Variants in GLRA3 observed in about 807,000 individuals in gnomAD.
GLRA3 encodes the protein glycine receptor subunit alpha-3.
GLRA3 carries 44 observed loss-of-function variants against 60.4 expected under a neutral mutation model. That is an observed-to-expected ratio of 0.73 (90% CI 0.57 to 0.94). The LOEUF is 0.94. Among genes scored for constraint, GLRA3 ranks in the 40% least tolerant of loss-of-function variants. The probability of loss-of-function intolerance (pLI) is 0.00; values close to 1 mark genes in which losing one functional copy is unlikely to be tolerated. For missense variants in GLRA3, 508 were observed against 564.6 expected (o/e 0.90, Z 1.02); for synonymous variants, 223 against 192.9 (o/e 1.16, Z -1.29).
chr4:174,694,602 T>C (rs978139328), intron 5 of GLRA3, among the ~76,000 whole-genome samples: 4 of 152,130 alleles, frequency 2.6e-5, no homozygotes, highest in Admixed American at 6.6e-5. Flanking sequence ...AGAAGGACAT[T>C]GATAGCAGTA....
rs11338097 is a variant in GLRA3, at chr4:174,826,874, C to CT, written c.71+1866dup. On this transcript the variant is annotated intron_variant, in intron 1 of 9. Transcript: ENST00000274093. Reference sequence around the variant, plus strand: ...AAATATTTCCAGTAGAGGGAGCTTCCTTTTTTTTTTTTTTTCTATAGGAAA... The same window carrying CT: ...AAATATTTCCAGTAGAGGGAGCTTCCTTTTTTTTTTTTTTTTCTATAGGAAA... Among the ~76,000 whole-genome samples the CT allele has an allele frequency of 2.5e-3, 331 of 130,372 alleles. 2 individuals carry two copies. The highest frequency in any genetic ancestry group is 2.1e-3 in the Non-Finnish European group (122 of 59,052). The allele number at this position is 130,372 out of a possible 152,430, so 85.5% of individuals were successfully genotyped here. A position where few individuals can be genotyped will look rare whatever the true frequency, so the allele number is the denominator to read the frequency against.
intron 1 of GLRA3, among the ~76,000 whole-genome samples, chr4:174,827,494 T>A (rs1741024612): frequency 6.6e-6 from 1 of 151,742 alleles, no homozygotes; most frequent in Non-Finnish European, 1.5e-5. Flanking sequence ...CTTTACATAA[T>A]AATTTCAGAA....
intron 1 of GLRA3, among the ~76,000 whole-genome samples, chr4:174,803,942 C>T (rs985359074): frequency 6.6e-6 from 1 of 152,140 alleles, no homozygotes; most frequent in African/African-American, 2.4e-5. Flanking sequence ...TTGTAGGGGC[C>T]TTGACTGACA....
chr4:174,652,063 G>T (rs1733040108), intron 9 of GLRA3, among the ~76,000 whole-genome samples: 1 of 151,884 alleles, frequency 6.6e-6, no homozygotes, highest in African/African-American at 2.4e-5. Context: ...CATGGATGAA[G>T]CTTTTCTATC....
At chr4:174,741,805 G>C (rs189995618) in intron 3 of GLRA3, among the ~76,000 whole-genome samples, 3 of 152,002 alleles carry the variant, frequency 2.0e-5, no homozygotes, top group Admixed American at 2.0e-4. Context: ...TTTTTCTTCT[G>C]CATAGTTGAC....
chr4:174,675,563 G>A (rs1406026646), intron 7 of GLRA3, among the ~76,000 whole-genome samples: 2 of 151,960 alleles, frequency 1.3e-5, no homozygotes, highest in South Asian at 2.1e-4. Flanking sequence ...GTAAACTGAC[G>A]ATTTCCTTTA....
Position 174,733,299 on chromosome 4 carries a change from C to G in GLRA3, c.268-4601G>C, listed in dbSNP as rs1736629167. Among the ~76,000 whole-genome samples, 11 of 152,280 alleles carry G rather than the reference C, an allele frequency of 7.2e-5. No individual in the cohort carries two copies. The South Asian group carries it at 2.1e-3, about 29-fold the overall frequency. Reference sequence around the variant, plus strand: ...TAGTCTGGCAAAACACACTGGACCTCTGACCTCAAGAAGTGTAAGGTAATA... The same window carrying G: ...TAGTCTGGCAAAACACACTGGACCTGTGACCTCAAGAAGTGTAAGGTAATA... On this transcript the variant is annotated intron_variant, in intron 3 of 9. Coordinates refer to ENST00000274093, the MANE Select transcript of GLRA3 (RefSeq NM_006529.4).
chr4:174,699,491 A>G (rs1735211327), intron 5 of GLRA3, among the ~76,000 whole-genome samples: 1 of 152,196 alleles, frequency 6.6e-6, no homozygotes, highest in Non-Finnish European at 1.5e-5. Flanking sequence ...ATTCTGTTGC[A>G]CCTTAAAAAT....
intron 1 of GLRA3, among the ~76,000 whole-genome samples, chr4:174,820,709 C>T (rs1434079350): frequency 6.6e-6 from 1 of 152,146 alleles, no homozygotes; most frequent in Non-Finnish European, 1.5e-5. Context: ...TTCACTGAGT[C>T]TCAAATAACT....
At chr4:174,671,156 A>G (rs192116552) in intron 7 of GLRA3, among the ~76,000 whole-genome samples, 73 of 152,296 alleles carry the variant, frequency 4.8e-4, no homozygotes, top group Middle Eastern at 3.4e-3. Context: ...TAATAAACTT[A>G]AAATGAACTC....
At chr4:174,784,415 T>C (rs550075399) in intron 2 of GLRA3, among the ~76,000 whole-genome samples, 4 of 145,836 alleles carry the variant, frequency 2.7e-5, no homozygotes, top group African/African-American at 1.0e-4. Flanking sequence ...CATGTATACA[T>C]ATGTAACTAA....
rs1053914918 is a variant in GLRA3 at position 174,756,938 on chromosome 4, G to T, written c.267+10025C>A. On this transcript the variant is annotated intron_variant, in intron 3 of 9. Coordinates refer to ENST00000274093, the MANE Select transcript of GLRA3 (RefSeq NM_006529.4). ...CGGGATTACAGGCGTGAGCCCCCGC[G>T]CCCGGCCAAATGCCATTCTTAATTG... 3.3e-5 allele frequency among the ~76,000 whole-genome samples: 5 copies of T among 152,126 alleles called. No homozygotes were observed. In the South Asian group the frequency reaches 1.0e-3, roughly 31 times the overall value.
intron 1 of GLRA3, among the ~76,000 whole-genome samples, chr4:174,810,080 C>T (rs1195280137): frequency 6.6e-6 from 1 of 152,044 alleles, no homozygotes; most frequent in Non-Finnish European, 1.5e-5. Flanking sequence ...ACTCTGGATT[C>T]TGCAATAAAT....
At position 174,747,230 on chromosome 4, in the gene GLRA3, G is replaced by A. The variant is rs76890097; in HGVS notation, c.268-18532C>T. 9.3e-3 allele frequency among the ~76,000 whole-genome samples: 1,414 copies of A among 152,230 alleles called. 21 individuals carry two copies. Among genetic ancestry groups the A allele is most frequent in the African/African-American group, 0.032 (1,338 of 41,540 alleles). ...AGAGTTAGACAACGAGGACATAAGGGCAGTGGTGGAAAGAGTAGTCGATGA... is the reference window on the plus strand; with the variant it reads ...AGAGTTAGACAACGAGGACATAAGGACAGTGGTGGAAAGAGTAGTCGATGA... On this transcript the variant is annotated intron_variant, in intron 3 of 9. Coordinates refer to ENST00000274093, the MANE Select transcript of GLRA3 (RefSeq NM_006529.4).
At chr4:174,692,349 C>T (rs1463821751) in intron 5 of GLRA3, among the ~76,000 whole-genome samples, 6 of 149,168 alleles carry the variant, frequency 4.0e-5, no homozygotes, top group South Asian at 2.2e-4. Flanking sequence ...CCAGCCGCCA[C>T]GTCCGGGAGA....
chr4:174,661,409 C>T, intron 7 of GLRA3, among the ~76,000 whole-genome samples: 1 of 152,204 alleles, frequency 6.6e-6, no homozygotes, highest in South Asian at 2.1e-4. Flanking sequence ...GTGTATGTGA[C>T]TAACATCTCA....
At chr4:174,810,280 TCAA>T (rs1431622107) in intron 1 of GLRA3, among the ~76,000 whole-genome samples, 1 of 152,078 alleles carries the variant, frequency 6.6e-6, no homozygotes, top group Non-Finnish European at 1.5e-5. Flanking sequence ...AGAAACCTCC[TCAA>T]CAGAATATTC....
intron 7 of GLRA3, among the ~76,000 whole-genome samples, chr4:174,668,133 T>A (rs1733751691): frequency 6.6e-6 from 1 of 152,068 alleles, no homozygotes; most frequent in African/African-American, 2.4e-5. Context: ...CCCTTCACCT[T>A]CCACTATGAT....
At chr4:174,821,505 G>A (rs1322900417) in intron 1 of GLRA3, among the ~76,000 whole-genome samples, 1 of 151,956 alleles carries the variant, frequency 6.6e-6, no homozygotes, top group Non-Finnish European at 1.5e-5. Context: ...GTGGGCAGAA[G>A]TTTTTTCTCA....
Sources: allele counts gnomAD v4.1 joint callset (sites outside exome capture counted in the v4.1 genomes callset), GRCh38; gene constraint gnomAD v4.1.1; transcripts MANE v1.5; gene names NCBI Gene and HGNC (gene_info 2026-07-23, HGNC 2026-07-21).